The following DMTN variants were observed in gnomAD, a reference collection of about 807,000 sequenced individuals.
The protein encoded by DMTN is dematin actin binding protein.
A neutral mutation model predicts 59.4 loss-of-function variants in DMTN; 27 were observed. The observed-to-expected ratio is 0.45, with a 90% confidence interval of 0.33 to 0.63. DMTN has a LOEUF of 0.63. Among genes scored for constraint, DMTN ranks in the 20% least tolerant of loss-of-function variants. The pLI is 0.02. For synonymous variants in DMTN, 221 were observed against 203.7 expected (o/e 1.08, Z -0.72); for missense variants, 451 against 528.9 (o/e 0.85, Z 1.45).
rs567634521 is a variant in DMTN, at chr8:22,066,490, C to A, written c.-171-215C>A. 3.6e-3 allele frequency: 580 copies of A among 159,146 alleles called. 2 individuals are homozygous for A. Among genetic ancestry groups the A allele is most frequent in the Non-Finnish European group, 6.1e-3 (439 of 72,556 alleles). 9.9% of individuals were successfully genotyped at this position (159,146 alleles called of 1,614,324 possible). A position where few individuals can be genotyped will look rare whatever the true frequency, so the allele number is the denominator to read the frequency against. ...GGCCTCCGCCCGGGCAGCCGGCTGA[C>A]CCCTGCCGTCATTTCCTTTGAAGCC... On this transcript the variant is annotated intron_variant, in intron 1 of 15. Transcript: ENST00000358242.
In DMTN at chr8:22,080,822, G is replaced by C. The variant is rs571082795; in HGVS notation, c.975G>C (p.Arg325Ser). 2.4e-5 allele frequency: 39 copies of C among 1,602,018 alleles called. No individual in the cohort carries two copies. The highest frequency in any genetic ancestry group is 1.7e-4 in the Middle Eastern group (1 of 6,052). The change falls in exon 14 of 16, where the codon AGG becomes AGC. Residue 325 changes from arginine (R) to serine (S), a missense_variant. Physicochemically the swap from Arg to Ser is moderately radical, Grantham distance 110. Coordinates refer to ENST00000358242, the MANE Select transcript of DMTN (RefSeq NM_001387751.1). Reference protein sequence around the residue: ...SPGLQNGEGQRGRMDRGNSLP... With the variant: ...SPGLQNGEGQSGRMDRGNSLP... ...CTCCCCAGAACGGAGAGGGCCAGAG[G>C]GGGAGGATGGACCGGGGGAACTCCC... is the stretch of plus-strand genomic sequence containing the variant.
intron 10 of DMTN, among the ~76,000 whole-genome samples, chr8:22,079,240 T>C (rs1263088845): frequency 8.5e-6 from 1 of 118,184 alleles, no homozygotes; most frequent in Admixed American, 9.7e-5. Flanking sequence ...TGAGGCCTGG[T>C]TTCTACAAAA....
chr8:22,081,092 T>TGGGGGGGGGCGGG, intron 14 of DMTN, 21 bp from the exon 15 acceptor site: 1 of 1,547,318 alleles, frequency 6.5e-7, no homozygotes, highest in Non-Finnish European at 8.9e-7. Context: ...AGCCTAAGAT[T>TGGGGGGGGGCGGG]GCCCCTCCCC....
rs1586034493 is a variant in DMTN at position 22,072,677 on chromosome 8, G to T, written c.729+227G>T. On this transcript the variant is annotated intron_variant, in intron 9 of 15. Coordinates refer to ENST00000358242, the MANE Select transcript of DMTN (RefSeq NM_001387751.1). ...TTTAATAGAGATAAGGTTTTGCCGT[G>T]TTGGCCAGGCTGGTCTCGAACTCCT... is the stretch of plus-strand genomic sequence containing the variant. 2.3e-5 allele frequency among the ~76,000 whole-genome samples: 3 copies of T among 132,112 alleles called. 1 individual carries two copies. In the Admixed American group the frequency reaches 2.5e-4, roughly 11 times the overall value. The allele number at this position is 132,112 out of a possible 152,430, so 86.7% of individuals were successfully genotyped here.
At chr8:22,078,798 G>GTTTTTTTTTTTTTTTTTT (rs1224977627) in intron 10 of DMTN, among the ~76,000 whole-genome samples, 2 of 85,092 alleles carry the variant, frequency 2.4e-5, no homozygotes, top group East Asian at 4.3e-4. Flanking sequence ...ATGTCAGACT[G>GTTTTTTTTTTTTTTTTTT]TTTTTTTTTT....
Position 22,078,798 on chromosome 8 carries a change from G to GTTTTTTTTTTTTTT in DMTN, c.836-1379_836-1366dup, listed in dbSNP as rs1224977627. Among the ~76,000 whole-genome samples, 37 of 85,086 alleles carry GTTTTTTTTTTTTTT rather than the reference G, an allele frequency of 4.3e-4. 1 individual carries two copies. Among genetic ancestry groups the GTTTTTTTTTTTTTT allele is most frequent in the Admixed American group, 5.4e-4 (3 of 5,580 alleles). The allele number at this position is 85,086 out of a possible 152,430, so 55.8% of individuals were successfully genotyped here. A position where few individuals can be genotyped will look rare whatever the true frequency, so the allele number is the denominator to read the frequency against. ...TCTTTCTGTAGTATAATGTCAGACTGTTTTTTTTTTTTTTTTGAGATGGAG... is the reference window on the plus strand; with the variant it reads ...TCTTTCTGTAGTATAATGTCAGACTGTTTTTTTTTTTTTTTTTTTTTTTTTTTTTTGAGATGGAG... On this transcript the variant is annotated intron_variant, in intron 10 of 15. Transcript: ENST00000358242.
In DMTN at chr8:22,067,700, G is replaced by A. The variant is rs1301237507; in HGVS notation, c.249+18G>A. 1 of 1,612,372 alleles carries A rather than the reference G, an allele frequency of 6.2e-7. No individual in the cohort carries two copies. The highest frequency in any genetic ancestry group is 8.5e-7 in the Non-Finnish European group (1 of 1,179,754). Reference sequence around the variant, plus strand: ...GCCGCGAGGTGAGGGGGCTCCTCTTGGGCAGGACTCCGGGGGAGGCCCCCC... The same window carrying A: ...GCCGCGAGGTGAGGGGGCTCCTCTTAGGCAGGACTCCGGGGGAGGCCCCCC... On this transcript the variant is annotated intron_variant, in intron 4 of 15. Transcript: ENST00000358242.
chr8:22,070,607 C>A (rs1262890877), intron 8 of DMTN, among the ~76,000 whole-genome samples: 2 of 152,202 alleles, frequency 1.3e-5, no homozygotes, highest in Non-Finnish European at 2.9e-5. Context: ...TTCTGCATCC[C>A]AGGCTCTGTG....
intron 1 of DMTN, 88 bp downstream of exon 1, chr8:22,057,224 A>C (rs1421916624): frequency 2.6e-5 from 4 of 152,362 alleles, no homozygotes; most frequent in Non-Finnish European, 5.9e-5. Context: ...GGGTGGCAGC[A>C]GGGTATCTGG....
chr8:22,069,095 C>T (rs373680471), intron 5 of DMTN, 35 bp downstream of exon 5: 23 of 1,605,706 alleles, frequency 1.4e-5, no homozygotes, highest in African/African-American at 9.4e-5. Flanking sequence ...TTGCCCTGCC[C>T]TGCCCTGAAG....
chr8:22,052,957 C>T (rs1245707117), upstream of DMTN, among the ~76,000 whole-genome samples: 1 of 152,112 alleles, frequency 6.6e-6, no homozygotes, highest in Non-Finnish European at 1.5e-5. Context: ...GCCCAGGCAT[C>T]GTGAGTTCTG....
chr8:22,081,330 G>T lies in DMTN; in HGVS notation c.1105-20G>T, dbSNP rs974689902. The stretch of plus-strand genomic sequence containing the variant: ...GCCCCCTCCCCCTCCATGCTGAGCT[G>T]CCCCGATTCCCCCATGTAGAGGCAT... On this transcript the variant is annotated intron_variant, in intron 15 of 15. Transcript: ENST00000358242. 14 of 1,611,008 alleles carry T rather than the reference G, an allele frequency of 8.7e-6. No individual in the cohort carries two copies. The highest frequency in any genetic ancestry group is 1.1e-5 in the Non-Finnish European group (13 of 1,177,424).
chr8:22,081,885 C>T lies in DMTN; in HGVS notation c.*422C>T, dbSNP rs1439135870. ...AGGCTCTTGTGTCGCCCACCCAGCCCTCCCATACTCACTCCTGACAGCTTT... is the reference window on the plus strand; with the variant it reads ...AGGCTCTTGTGTCGCCCACCCAGCCTTCCCATACTCACTCCTGACAGCTTT... On this transcript the variant is annotated 3_prime_UTR_variant, in exon 16 of 16. Coordinates refer to ENST00000358242, the MANE Select transcript of DMTN (RefSeq NM_001387751.1). The T allele has an allele frequency of 2.2e-6, 1 of 460,266 alleles. No individual in the cohort carries two copies. Among genetic ancestry groups the T allele is most frequent in the Non-Finnish European group, 4.4e-6 (1 of 229,566 alleles). The allele number at this position is 460,266 out of a possible 1,614,324, so 28.5% of individuals were successfully genotyped here.
chr8:22,053,000 G>A (rs766275297), upstream of DMTN, among the ~76,000 whole-genome samples: 13 of 152,256 alleles, frequency 8.5e-5, no homozygotes, highest in South Asian at 2.1e-4. Context: ...GGGTGCTTGC[G>A]GGGGCTTTGT....
intron 10 of DMTN, among the ~76,000 whole-genome samples, chr8:22,079,300 AT>A (rs1220576802): frequency 3.1e-5 from 3 of 97,720 alleles, no homozygotes; most frequent in African/African-American, 8.6e-5. Flanking sequence ...ATATATATAT[AT>A]TAGCTGGGTT....
chr8:22,069,173 G>C (rs113341118), intron 5 of DMTN, 113 bp downstream of exon 5: 6 of 1,277,476 alleles, frequency 4.7e-6, no homozygotes, highest in Non-Finnish European at 6.5e-6. Flanking sequence ...GCCCGAATCA[G>C]CGGCCCCCTG....
At chr8:22,049,314 G>C (rs1801084558), upstream of DMTN, 1 of 151,490 alleles carries the variant, frequency 6.6e-6, no homozygotes, top group Non-Finnish European at 1.5e-5. Flanking sequence ...GGTCCCCGCG[G>C]GGCCGGGGCG....
intron 10 of DMTN, among the ~76,000 whole-genome samples, chr8:22,075,858 T>C (rs1014094348): frequency 6.6e-6 from 1 of 152,154 alleles, no homozygotes; most frequent in African/African-American, 2.4e-5. Context: ...CAAGGTCTCA[T>C]TGCAGAAAGC....
chr8:22,080,526 G>A (rs7006378), intron 12 of DMTN, 66 bp downstream of exon 12: 3 of 1,614,026 alleles, frequency 1.9e-6, no homozygotes, highest in Non-Finnish European at 2.5e-6. Flanking sequence ...GGCAGCCGGG[G>A]TCTGGGCTGT....
Sources: allele counts gnomAD v4.1 joint callset (sites outside exome capture counted in the v4.1 genomes callset), GRCh38; gene constraint gnomAD v4.1.1; transcripts MANE v1.5; gene names NCBI Gene and HGNC (gene_info 2026-07-23, HGNC 2026-07-21).